LINGO2: variants seen among roughly 807,000 people sequenced by gnomAD.
LINGO2 encodes leucine-rich repeat and immunoglobulin-like domain-containing nogo receptor-interacting protein 2.
Under a neutral mutation model 30.6 loss-of-function variants are expected in LINGO2, and 14 were observed. The ratio of observed to expected loss-of-function variants is 0.46; its 90% CI spans 0.30 to 0.72. LINGO2 has a LOEUF of 0.72. Ranked by LOEUF, LINGO2 falls within the 30% of genes least tolerant of loss-of-function variation. The pLI is 0.07. For missense variants in LINGO2, 729 were observed against 751.7 expected (o/e 0.97, Z 0.35); for synonymous variants, 317 against 288.5 (o/e 1.10, Z -1.00).
chr9:28,306,256 T>C (rs1824348531), intron 3 of LINGO2, among the ~76,000 whole-genome samples: 1 of 151,956 alleles, frequency 6.6e-6, no homozygotes, highest in African/African-American at 2.4e-5. Flanking sequence ...TTAAAACATG[T>C]TTAAATATTT....
At chr9:29,068,992 G>A in the LINGO2 span, among the ~76,000 whole-genome samples, 2 of 151,744 alleles carry the variant, frequency 1.3e-5, no homozygotes, top group Non-Finnish European at 2.9e-5. Context: ...GACTGTTCCT[G>A]GTTACTCCCA....
At chr9:28,739,420 G>A in the LINGO2 span, among the ~76,000 whole-genome samples, 3 of 151,864 alleles carry the variant, frequency 2.0e-5, no homozygotes, top group South Asian at 2.1e-4. Context: ...GGAATAAAAC[G>A]AGAGTTTTGT....
chr9:27,975,942 A>T (rs1820572823), intron 5 of LINGO2, among the ~76,000 whole-genome samples: 1 of 152,118 alleles, frequency 6.6e-6, no homozygotes, highest in African/African-American at 2.4e-5. Flanking sequence ...CTTGGTGATT[A>T]TATGGAAACA....
At chr9:28,068,507 A>G (rs945964073) in intron 4 of LINGO2, among the ~76,000 whole-genome samples, 3 of 152,192 alleles carry the variant, frequency 2.0e-5, no homozygotes, top group Admixed American at 2.0e-4. Flanking sequence ...TAGAGCTTCA[A>G]TATATAAATT....
At chr9:28,934,721 A>G in the LINGO2 span, among the ~76,000 whole-genome samples, 1 of 152,154 alleles carries the variant, frequency 6.6e-6, no homozygotes, top group African/African-American at 2.4e-5. Context: ...AAGTAAGACA[A>G]TAGAGAGCTC....
chr9:29,176,423 C>A, the LINGO2 span, among the ~76,000 whole-genome samples: 10 of 152,308 alleles, frequency 6.6e-5, no homozygotes, highest in African/African-American at 2.4e-4. Flanking sequence ...TTTCCCTCCC[C>A]TTCCTTTGAC....
chr9:28,487,254 A>G (rs1320136823), intron 1 of LINGO2, among the ~76,000 whole-genome samples: 1 of 152,140 alleles, frequency 6.6e-6, no homozygotes, highest in Non-Finnish European at 1.5e-5. Flanking sequence ...TCTTTTGATA[A>G]ATATTCTTTT....
the LINGO2 span, among the ~76,000 whole-genome samples, chr9:28,711,682 T>G: frequency 6.6e-6 from 1 of 152,130 alleles, no homozygotes; most frequent in Non-Finnish European, 1.5e-5. Context: ...GGAGTCACAC[T>G]CCTTCACTAA....
At chr9:28,197,065 A>C (rs1564034364) in intron 4 of LINGO2, among the ~76,000 whole-genome samples, 1 of 152,006 alleles carries the variant, frequency 6.6e-6, no homozygotes, top group Non-Finnish European at 1.5e-5. Context: ...TGCTCCTAAC[A>C]CAAGGAAATG....
chr9:28,994,530 T>A, the LINGO2 span, among the ~76,000 whole-genome samples: 134 of 141,044 alleles, frequency 9.5e-4, no homozygotes, highest in South Asian at 1.6e-3. Context: ...TTAAAGTTCA[T>A]ATGGAACCAA....
chr9:28,580,835 T>G (rs1259704653), intron 1 of LINGO2, among the ~76,000 whole-genome samples: 4 of 152,058 alleles, frequency 2.6e-5, no homozygotes, highest in Admixed American at 2.6e-4. Flanking sequence ...ACGACTCACT[T>G]TGACACTCCA....
At chr9:28,206,587 T>G (rs969269139) in intron 4 of LINGO2, among the ~76,000 whole-genome samples, 2 of 152,174 alleles carry the variant, frequency 1.3e-5, no homozygotes, top group African/African-American at 4.8e-5. Flanking sequence ...TTCTGCAATC[T>G]TGAACTAGAA....
chr9:28,944,550 C>T, the LINGO2 span, among the ~76,000 whole-genome samples: 3 of 152,000 alleles, frequency 2.0e-5, no homozygotes, highest in Non-Finnish European at 4.4e-5. Flanking sequence ...GGATTACAGG[C>T]GCCTGCCACC....
chr9:28,916,628 G>A, the LINGO2 span, among the ~76,000 whole-genome samples: 1 of 152,158 alleles, frequency 6.6e-6, no homozygotes, highest in African/African-American at 2.4e-5. Flanking sequence ...TTTTAGGGCT[G>A]AGCCAATGTA....
At chr9:28,972,786 G>A in the LINGO2 span, among the ~76,000 whole-genome samples, 2 of 152,128 alleles carry the variant, frequency 1.3e-5, no homozygotes, top group African/African-American at 2.4e-5. Flanking sequence ...ATGGTGGCAG[G>A]CAAGAAAGCA....
chr9:28,124,457 T>C (rs1563988600), intron 4 of LINGO2, among the ~76,000 whole-genome samples: 2 of 152,268 alleles, frequency 1.3e-5, no homozygotes, highest in Admixed American at 1.3e-4. Context: ...ATCACAGACA[T>C]ATCACATTTA....
intron 5 of LINGO2, among the ~76,000 whole-genome samples, chr9:27,977,184 A>C (rs1820640541): frequency 6.6e-6 from 1 of 151,796 alleles, no homozygotes; most frequent in African/African-American, 2.4e-5. Context: ...ATTTTCAAAG[A>C]GTGGAAGACC....
At chr9:28,992,816 C>T in the LINGO2 span, among the ~76,000 whole-genome samples, 144 of 152,074 alleles carry the variant, frequency 9.5e-4, 3 homozygotes, top group Middle Eastern at 0.021. Flanking sequence ...TTGAAACCAA[C>T]GAGAACGAAG....
the LINGO2 span, among the ~76,000 whole-genome samples, chr9:28,886,226 CAG>C: frequency 6.6e-6 from 1 of 152,004 alleles, no homozygotes; most frequent in African/African-American, 2.4e-5. Context: ...AAATTAATTG[CAG>C]AGAAGATAAA....
Sources: gnomAD v4.1 joint callset for allele counts (sites outside exome capture counted in the v4.1 genomes callset) on GRCh38, gnomAD v4.1.1 for gene constraint, MANE v1.5 for transcripts, NCBI Gene and HGNC (gene_info 2026-07-23, HGNC 2026-07-21) for gene names.